The following TAFA2 variants were observed in gnomAD, a reference collection of about 807,000 sequenced individuals.
TAFA2 encodes TAFA chemokine like family member 2, also known as chemokine-like protein TAFA-2.
TAFA2 carries 7 observed loss-of-function variants against 18.8 expected under a neutral mutation model. The observed-to-expected ratio is 0.37, with a 90% CI of 0.21 to 0.70. The LOEUF (loss-of-function observed/expected upper bound fraction) is 0.70. TAFA2 is among the 30% of genes least tolerant of loss of function. The pLI is 0.53. For synonymous variants in TAFA2, 60 were observed against 54.2 expected (o/e 1.11, Z -0.47); for missense variants, 122 against 158.1 (o/e 0.77, Z 1.23).
At chr12:61,847,230 A>G (rs374981783) in intron 2 of TAFA2, among the ~76,000 whole-genome samples, 13 of 152,354 alleles carry the variant, frequency 8.5e-5, no homozygotes, top group African/African-American at 3.1e-4. Flanking sequence ...CGAATAGATA[A>G]GAGTTTATTA....
At chr12:61,842,199 TAGG>T (rs1247367402) in intron 2 of TAFA2, among the ~76,000 whole-genome samples, 2 of 151,426 alleles carry the variant, frequency 1.3e-5, no homozygotes, top group Non-Finnish European at 2.9e-5. Flanking sequence ...CGGGAAAAAA[TAGG>T]AGAAGAAAGA....
chr12:61,755,241 C>A (rs1869209832), intron 2 of TAFA2, among the ~76,000 whole-genome samples: 1 of 152,088 alleles, frequency 6.6e-6, no homozygotes, highest in African/African-American at 2.4e-5. Context: ...AAAGCAGGAA[C>A]AATTAGTGAC....
intron 1 of TAFA2, among the ~76,000 whole-genome samples, chr12:61,971,838 G>A (rs569085650): frequency 5.0e-4 from 76 of 151,912 alleles, no homozygotes; most frequent in African/African-American, 1.7e-3. Context: ...AAACTTGCAC[G>A]TTGTGCACAT....
At chr12:61,721,787 C>A (rs943065446) in intron 4 of TAFA2, among the ~76,000 whole-genome samples, 1 of 152,120 alleles carries the variant, frequency 6.6e-6, no homozygotes, top group Non-Finnish European at 1.5e-5. Context: ...GAAACCCCAT[C>A]TCTACTAAAA....
At chr12:61,866,363 T>A (rs1874355151) in intron 2 of TAFA2, among the ~76,000 whole-genome samples, 1 of 152,176 alleles carries the variant, frequency 6.6e-6, no homozygotes, top group Non-Finnish European at 1.5e-5. Context: ...GTGTAACTAA[T>A]TTAAGTGTTA....
intron 1 of TAFA2, among the ~76,000 whole-genome samples, chr12:61,883,837 A>G (rs1875252712): frequency 6.6e-6 from 1 of 152,182 alleles, no homozygotes; most frequent in South Asian, 2.1e-4. Context: ...AAAACTACCA[A>G]TATTCTGACC....
intron 1 of TAFA2, among the ~76,000 whole-genome samples, chr12:62,084,877 C>T (rs1336233434): frequency 2.0e-5 from 3 of 152,142 alleles, no homozygotes; most frequent in Non-Finnish European, 4.4e-5. Flanking sequence ...TGCTGAATAG[C>T]ATCAACAAGC....
At chr12:62,115,704 C>T (rs1338773880) in intron 1 of TAFA2, among the ~76,000 whole-genome samples, 1 of 152,148 alleles carries the variant, frequency 6.6e-6, no homozygotes. Flanking sequence ...ATGGAGGGAG[C>T]TTACTTAACT....
At chr12:62,068,958 G>C (rs1396632753) in intron 1 of TAFA2, among the ~76,000 whole-genome samples, 3 of 152,152 alleles carry the variant, frequency 2.0e-5, no homozygotes, top group African/African-American at 7.2e-5. Context: ...AGGTCTGAAT[G>C]TCACAAATTT....
chr12:61,830,659 G>A (rs1362284240), intron 2 of TAFA2, among the ~76,000 whole-genome samples: 3 of 151,908 alleles, frequency 2.0e-5, no homozygotes, highest in East Asian at 1.9e-4. Flanking sequence ...TATACTATTC[G>A]AGTGATGGTT....
intron 1 of TAFA2, among the ~76,000 whole-genome samples, chr12:62,160,968 GAATA>G (rs2062403246): frequency 6.6e-6 from 1 of 152,092 alleles, no homozygotes; most frequent in Non-Finnish European, 1.5e-5. Context: ...ATGAATGAAT[GAATA>G]CAGATTATTG....
chr12:62,093,313 T>C (rs1868800117), intron 1 of TAFA2, among the ~76,000 whole-genome samples: 1 of 151,998 alleles, frequency 6.6e-6, no homozygotes, highest in African/African-American at 2.4e-5. Context: ...TAAGAGACTC[T>C]GTGTACATTC....
rs1871993678 is a variant in TAFA2 at position 61,814,380 on chromosome 12, T to G, written c.106+52940A>C. ...TGATTCAGGGCCTTGTGAACCAACT[T>G]AAGGAGTTGAGATTTATTCTAAGTT... On this transcript the variant is annotated intron_variant, in intron 2 of 4. Transcript: ENST00000416284. 7.3e-5 allele frequency among the ~76,000 whole-genome samples: 11 copies of G among 151,364 alleles called. No individual in the cohort carries two copies. In the South Asian group the frequency reaches 2.3e-3, roughly 31 times the overall value.
chr12:62,230,147 T>C (rs1051395117), intron 1 of TAFA2, among the ~76,000 whole-genome samples: 1 of 131,492 alleles, frequency 7.6e-6, no homozygotes, highest in African/African-American at 3.1e-5. Context: ...TTATGTTGGT[T>C]TTGTTTATCT....
chr12:62,056,892 G>C (rs140813217), intron 1 of TAFA2, among the ~76,000 whole-genome samples: 3 of 152,304 alleles, frequency 2.0e-5, no homozygotes, highest in African/African-American at 7.2e-5. Flanking sequence ...TCTGTCGTTA[G>C]GATAAAGTTA....
At chr12:61,890,660 A>C (rs999832699) in intron 1 of TAFA2, among the ~76,000 whole-genome samples, 7 of 152,238 alleles carry the variant, frequency 4.6e-5, no homozygotes, top group Non-Finnish European at 1.0e-4. Flanking sequence ...TTAATCTGCC[A>C]TCTCTTCAGG....
At chr12:62,237,155 T>G (rs2062841517) in intron 1 of TAFA2, among the ~76,000 whole-genome samples, 1 of 152,212 alleles carries the variant, frequency 6.6e-6, no homozygotes, top group African/African-American at 2.4e-5. Flanking sequence ...CTTTTTTCTT[T>G]TCTGGATGTG....
At position 62,242,847 on chromosome 12, in the gene TAFA2, T is replaced by C. The variant is rs1348972560; in HGVS notation, c.-130+15916A>G. Among the ~76,000 whole-genome samples, 3 of 152,246 alleles carry C rather than the reference T, an allele frequency of 2.0e-5. No homozygotes were observed. In the East Asian group the frequency reaches 5.8e-4, roughly 29 times the overall value. ...ACAGTCCTTTGAAGTAAAATTAACATAGATGGAAGTATACATACCCTTGTA... is the reference window on the plus strand; with the variant it reads ...ACAGTCCTTTGAAGTAAAATTAACACAGATGGAAGTATACATACCCTTGTA... On this transcript the variant is annotated intron_variant, in intron 1 of 5. Transcript: ENST00000551619.
At chr12:61,758,142 A>T (rs2120777748) in intron 2 of TAFA2, among the ~76,000 whole-genome samples, 1 of 152,130 alleles carries the variant, frequency 6.6e-6, no homozygotes, top group South Asian at 2.1e-4. Context: ...AAATCATGTT[A>T]GTGGCATGAA....
Sources: allele counts gnomAD v4.1 joint callset (sites outside exome capture counted in the v4.1 genomes callset), GRCh38; gene constraint gnomAD v4.1.1; transcripts MANE v1.5; gene names NCBI Gene and HGNC (gene_info 2026-07-23, HGNC 2026-07-21).